Variants in AGMO observed in about 807,000 individuals in gnomAD.
The protein encoded by AGMO is glyceryl-ether monooxygenase.
AGMO carries 75 observed loss-of-function variants against 60.2 expected under a neutral mutation model. The ratio of observed to expected loss-of-function variants is 1.25; its 90% CI spans 1.03 to 1.51. The LOEUF (loss-of-function observed/expected upper bound fraction) is 1.51, where lower values mean the gene tolerates loss of function less well. Ranked by LOEUF, AGMO falls within the 40% of genes most tolerant of loss-of-function variation. The pLI, the probability that AGMO is intolerant of heterozygous loss-of-function variation, is 0.00. For missense variants in AGMO, 763 were observed against 525.5 expected, an observed-to-expected ratio of 1.45 and a Z score of -4.42; for synonymous variants, 261 against 177.1, an observed-to-expected ratio of 1.47 and a Z score of -3.76.
In AGMO at chr7:15,322,615, T is replaced by C. The variant is rs1781183732; in HGVS notation, c.1263+42899A>G. ...ATAAATATATATAAATATATATAAA[T>C]ATATAAATATATATAAATATATATA... On this transcript the variant is annotated intron_variant, in intron 12 of 12. Transcript: ENST00000342526. 4.8e-5 allele frequency among the ~76,000 whole-genome samples: 3 copies of C among 62,362 alleles called. 1 individual carries two copies. Among genetic ancestry groups the C allele is most frequent in the Non-Finnish European group, 7.6e-5 (3 of 39,682 alleles). 40.9% of individuals were successfully genotyped at this position (62,362 alleles called of 152,430 possible).
At chr7:15,126,565 T>C in the AGMO span, among the ~76,000 whole-genome samples, 1 of 152,082 alleles carries the variant, frequency 6.6e-6, no homozygotes, top group African/African-American at 2.4e-5. Context: ...CTTGCCCCAA[T>C]TCCTGTCTAA....
intron 3 of AGMO, among the ~76,000 whole-genome samples, chr7:15,519,349 T>C (rs1783914635): frequency 6.7e-6 from 1 of 149,642 alleles, no homozygotes; most frequent in Non-Finnish European, 1.5e-5. Context: ...CCAAGACACA[T>C]AAAGGTCAGA....
intron 3 of AGMO, among the ~76,000 whole-genome samples, chr7:15,495,117 T>C (rs749448357): frequency 6.6e-6 from 1 of 152,218 alleles, no homozygotes; most frequent in Admixed American, 6.5e-5. Context: ...GTGTTATATG[T>C]AATAATATAA....
chr7:15,446,573 T>A (rs1196727755), intron 3 of AGMO, among the ~76,000 whole-genome samples: 1 of 152,182 alleles, frequency 6.6e-6, no homozygotes, highest in Non-Finnish European at 1.5e-5. Context: ...TACTTTGAGA[T>A]GAAATTAAAT....
chr7:15,556,829 C>G (rs925216003), intron 2 of AGMO, among the ~76,000 whole-genome samples: 8 of 151,980 alleles, frequency 5.3e-5, no homozygotes, highest in Admixed American at 2.0e-4. Context: ...CTGTGTTTAT[C>G]TAGAATACAT....
intron 10 of AGMO, among the ~76,000 whole-genome samples, chr7:15,383,468 G>T (rs1783776611): frequency 6.7e-6 from 1 of 150,228 alleles, no homozygotes; most frequent in African/African-American, 2.5e-5. Flanking sequence ...TAAAAGTCCT[G>T]CTCAGGACCT....
intron 3 of AGMO, among the ~76,000 whole-genome samples, chr7:15,436,570 T>C (rs913166809): frequency 6.6e-6 from 1 of 152,192 alleles, no homozygotes; most frequent in East Asian, 1.9e-4. Flanking sequence ...AGGAGACAAA[T>C]AGTCAAACAA....
chr7:15,126,712 C>T, the AGMO span, among the ~76,000 whole-genome samples: 1 of 152,078 alleles, frequency 6.6e-6, no homozygotes, highest in Non-Finnish European at 1.5e-5. Flanking sequence ...CCCCAAAGCA[C>T]GTTTCTCTGA....
the AGMO span, among the ~76,000 whole-genome samples, chr7:15,153,191 T>C: frequency 1.7e-4 from 26 of 152,054 alleles, no homozygotes; most frequent in Admixed American, 1.1e-3. Flanking sequence ...ATTGTTTTTT[T>C]TTTTCTTTTC....
At chr7:15,183,596 A>G in the AGMO span, among the ~76,000 whole-genome samples, 2 of 152,144 alleles carry the variant, frequency 1.3e-5, no homozygotes, top group Non-Finnish European at 2.9e-5. Context: ...AGATTCTTAC[A>G]TTTAATGACC....
At chr7:15,363,335 ATAACAG>A (rs1197880477) in intron 12 of AGMO, among the ~76,000 whole-genome samples, 1 of 152,172 alleles carries the variant, frequency 6.6e-6, no homozygotes, top group Non-Finnish European at 1.5e-5. Context: ...TTCATATAAA[ATAACAG>A]TAACAACAGT....
At chr7:15,364,800 A>C (rs1782908416) in intron 12 of AGMO, among the ~76,000 whole-genome samples, 1 of 152,100 alleles carries the variant, frequency 6.6e-6, no homozygotes, top group Admixed American at 6.6e-5. Flanking sequence ...ATTAGTATTT[A>C]TGTTTAATGC....
chr7:15,298,942 C>T (rs1262876534), intron 12 of AGMO, among the ~76,000 whole-genome samples: 1 of 152,126 alleles, frequency 6.6e-6, no homozygotes, highest in Non-Finnish European at 1.5e-5. Flanking sequence ...ACCTTAACTC[C>T]CCGTGATATT....
chr7:15,529,796 C>CTA (rs1229255919), intron 3 of AGMO, among the ~76,000 whole-genome samples: 2 of 77,808 alleles, frequency 2.6e-5, no homozygotes, highest in Admixed American at 2.0e-4. Flanking sequence ...ATATATTTCT[C>CTA]TATATATATA....
chr7:15,377,143 T>C (rs1294050852), intron 10 of AGMO, among the ~76,000 whole-genome samples: 2 of 152,222 alleles, frequency 1.3e-5, no homozygotes, highest in Admixed American at 6.5e-5. Context: ...TGTCTTTGTA[T>C]GCTTTTAGAC....
Position 15,394,170 on chromosome 7 carries a change from T to C in AGMO, c.619A>G (p.Asn207Asp). Reference protein sequence around the residue: ...QFWIHTEVINNLGPLELILNT... With the variant: ...QFWIHTEVINDLGPLELILNT... ...AGAATCAGTTCCAAAGGACCAAGGT[T>C]ATTGATGACCTGTTTAAAACAGAAG... Residue 207 changes from asparagine (N) to aspartate (D), a missense_variant, in exon 6 of 13, where the codon AAC becomes GAC. Asn to Asp is a conservative substitution (Grantham distance 23, BLOSUM62 1). Coordinates refer to ENST00000342526, the MANE Select transcript of AGMO (RefSeq NM_001004320.2). The C allele has an allele frequency of 6.2e-7, 1 of 1,607,130 alleles. No homozygotes were observed. The highest frequency in any genetic ancestry group is 8.5e-7 in the Non-Finnish European group (1 of 1,173,900).
the AGMO span, among the ~76,000 whole-genome samples, chr7:15,182,066 T>TA: frequency 6.6e-6 from 1 of 152,176 alleles, no homozygotes; most frequent in Non-Finnish European, 1.5e-5. Context: ...CAGTAAATCT[T>TA]AAAAAATTAT....
intron 3 of AGMO, among the ~76,000 whole-genome samples, chr7:15,454,107 AC>A (rs1303404510): frequency 2.0e-5 from 3 of 151,242 alleles, no homozygotes; most frequent in Non-Finnish European, 2.9e-5. Flanking sequence ...ATCCTCAGCC[AC>A]ATACTAGGTA....
At chr7:15,462,715 G>T (rs1328667028) in intron 3 of AGMO, among the ~76,000 whole-genome samples, 1 of 152,118 alleles carries the variant, frequency 6.6e-6, no homozygotes, top group East Asian at 1.9e-4. Context: ...GCTCTATCAT[G>T]TGATTGGCTA....
Sources: gnomAD v4.1 joint callset for allele counts (sites outside exome capture counted in the v4.1 genomes callset) on GRCh38, gnomAD v4.1.1 for gene constraint, MANE v1.5 for transcripts, NCBI Gene and HGNC (gene_info 2026-07-23, HGNC 2026-07-21) for gene names.